HMGN5: variants seen among roughly 807,000 people sequenced by gnomAD.
HMGN5 encodes the protein high mobility group nucleosome-binding domain-containing protein 5.
A neutral mutation model predicts 9.5 loss-of-function variants in HMGN5; 4 were observed. That is an observed-to-expected ratio of 0.42 (90% CI 0.21 to 0.96). The LOEUF is 0.96. HMGN5 is among the 40% of genes least tolerant of loss of function. The pLI is 0.30. For missense variants in HMGN5, 192 were observed against 187.5 expected, an observed-to-expected ratio of 1.02 and a Z score of -0.14; for synonymous variants, 55 against 57.1, an observed-to-expected ratio of 0.96 and a Z score of 0.16.
intron 1 of HMGN5, among the ~76,000 whole-genome samples, chrX:81,169,815 G>A (rs1044837918): frequency 2.7e-5 from 3 of 111,184 alleles, no homozygotes; most frequent in Non-Finnish European, 3.8e-5. Context: ...AACACTTTGG[G>A]AGGTCAAGGT....
At chrX:81,161,137 G>T (rs757645805) in intron 1 of HMGN5, among the ~76,000 whole-genome samples, 17 of 110,318 alleles carry the variant, frequency 1.5e-4, no homozygotes, top group Non-Finnish European at 2.6e-4. Context: ...CAAGAATATT[G>T]CCCATTGTGT....
Position 81,115,052 on chromosome X carries a change from T to C in HMGN5, c.446A>G (p.Lys149Arg). ...TCCATCTTCTTCCCCTTTTTCATCTTTGTCTTCTTTTCCAGCTTCCCCTTT... is the reference window on the plus strand; with the variant it reads ...TCCATCTTCTTCCCCTTTTTCATCTCTGTCTTCTTTTCCAGCTTCCCCTTT... Reference protein sequence around the residue: ...EEKGEAGKEDKDEKGEEDGKE... With the variant: ...EEKGEAGKEDRDEKGEEDGKE... Residue 149 changes from lysine (K) to arginine (R), a missense_variant, in exon 7 of 7, where the codon AAA becomes AGA. Transcript: ENST00000358130. 2 of 1,158,355 alleles carry C rather than the reference T, an allele frequency of 1.7e-6. No homozygotes were observed. Among genetic ancestry groups the C allele is most frequent in the Non-Finnish European group, 2.3e-6 (2 of 870,331 alleles).
chrX:81,153,422 C>T (rs1439844764), intron 1 of HMGN5, among the ~76,000 whole-genome samples: 2 of 100,351 alleles, frequency 2.0e-5, no homozygotes, highest in South Asian at 4.9e-4. Context: ...GGTGTTGTGG[C>T]CCACGCCTGT....
intron 1 of HMGN5, among the ~76,000 whole-genome samples, chrX:81,168,495 T>C (rs1310812694): frequency 2.7e-5 from 3 of 111,642 alleles, no homozygotes; most frequent in Non-Finnish European, 5.6e-5. Context: ...TCAATAAGCT[T>C]GATCTAGCAT....
At chrX:81,140,326 C>T (rs946714282) in intron 1 of HMGN5, among the ~76,000 whole-genome samples, 7 of 110,501 alleles carry the variant, frequency 6.3e-5, no homozygotes, top group Non-Finnish European at 9.5e-5. Flanking sequence ...TTTGGGAGGC[C>T]GAGGCGGGCG....
chrX:81,149,085 C>A (rs1045252696), intron 1 of HMGN5, among the ~76,000 whole-genome samples: 1 of 111,597 alleles, frequency 9.0e-6, no homozygotes, highest in African/African-American at 3.3e-5. Context: ...CCTCAAGGAT[C>A]TAGAACTAGA....
intron 1 of HMGN5, among the ~76,000 whole-genome samples, chrX:81,201,470 T>C (rs773698599): frequency 8.9e-6 from 1 of 111,990 alleles, no homozygotes; most frequent in East Asian, 2.8e-4. Flanking sequence ...TTGTAATTTA[T>C]TCCTTCATTC....
chrX:81,118,838 T>C, intron 3 of HMGN5, 79 bp from the exon 4 acceptor site: 1 of 655,893 alleles, frequency 1.5e-6, no homozygotes. Flanking sequence ...GGTCAAAATA[T>C]TTGGTGTAAC....
rs1177283375 is a variant in HMGN5 at position 81,127,658 on chromosome X, C to T, written c.-123-5986G>A. Among the ~76,000 whole-genome samples the T allele has an allele frequency of 6.3e-5, 7 of 110,589 alleles. No homozygotes were observed. The East Asian group carries it at 1.1e-3, about 18-fold the overall frequency. ...GCTTCATATAACCTACGAATTGTTT[C>T]GTTTTGTTGTAAATTATTTGAAACA... On this transcript the variant is annotated intron_variant, in intron 1 of 6. Coordinates refer to ENST00000358130, the MANE Select transcript of HMGN5 (RefSeq NM_030763.3).
At chrX:81,155,001 G>T (rs1158363913) in intron 1 of HMGN5, among the ~76,000 whole-genome samples, 2 of 104,036 alleles carry the variant, frequency 1.9e-5, no homozygotes, top group African/African-American at 3.5e-5. Context: ...ACCAAAAATA[G>T]AGCTACTAAA....
intron 3 of HMGN5, 113 bp downstream of exon 3, chrX:81,119,675 T>A (rs2147536790): frequency 1.7e-6 from 1 of 594,670 alleles, no homozygotes; most frequent in East Asian, 3.5e-5. Flanking sequence ...GTATACCATA[T>A]TGGAACTCAT....
intron 1 of HMGN5, among the ~76,000 whole-genome samples, chrX:81,161,893 C>CTCTT (rs2075398435): frequency 9.1e-6 from 1 of 109,536 alleles, no homozygotes; most frequent in African/African-American, 3.5e-5. Context: ...AAAGGTTTGA[C>CTCTT]TCTTATTATA....
intron 1 of HMGN5, among the ~76,000 whole-genome samples, chrX:81,152,310 C>T (rs2147563132): frequency 9.0e-6 from 1 of 111,509 alleles, no homozygotes; most frequent in East Asian, 2.8e-4. Flanking sequence ...AAAAAACAAA[C>T]AACCCCATCA....
At chrX:81,172,357 G>A (rs1174565694) in intron 1 of HMGN5, among the ~76,000 whole-genome samples, 1 of 110,828 alleles carries the variant, frequency 9.0e-6, no homozygotes, top group Non-Finnish European at 1.9e-5. Flanking sequence ...GTTAATTTTG[G>A]TAGGTATGGT....
chrX:81,130,343 A>G (rs899579061), intron 1 of HMGN5, among the ~76,000 whole-genome samples: 4 of 111,725 alleles, frequency 3.6e-5, no homozygotes, highest in African/African-American at 1.3e-4. Flanking sequence ...GGATCTTACC[A>G]TGTATAAAGT....
rs764434947 is a variant in HMGN5 at position 81,146,108 on chromosome X, C to A, written c.-123-24436G>T. On this transcript the variant is annotated intron_variant, in intron 1 of 6. Coordinates refer to ENST00000358130, the MANE Select transcript of HMGN5 (RefSeq NM_030763.3). ...GACAGATCAATGAGACAGAAATTAA[C>A]AAGGATATCCAGGATGTGAACTCAG... Among the ~76,000 whole-genome samples the A allele has an allele frequency of 1.4e-3, 153 of 111,295 alleles. 4 individuals are homozygous for A. Among genetic ancestry groups the A allele is most frequent in the Non-Finnish European group, 4.3e-4 (23 of 53,044 alleles).
intron 1 of HMGN5, among the ~76,000 whole-genome samples, chrX:81,153,316 G>A (rs2075370292): frequency 9.4e-6 from 1 of 106,164 alleles, no homozygotes; most frequent in Admixed American, 1.0e-4. Context: ...ACTTTGGAAG[G>A]CTGAGGTGGG....
chrX:81,188,416 AT>A (rs2147649660), intron 1 of HMGN5, among the ~76,000 whole-genome samples: 1 of 109,570 alleles, frequency 9.1e-6, no homozygotes, highest in African/African-American at 3.3e-5. Context: ...AGCGTGAGCC[AT>A]TGTGCCCAGC....
intron 1 of HMGN5, among the ~76,000 whole-genome samples, chrX:81,127,174 T>C (rs1825594582): frequency 8.9e-6 from 1 of 112,206 alleles, no homozygotes; most frequent in Admixed American, 9.5e-5. Context: ...ATTTTCACTT[T>C]GTTTATTTTA....
Sources: allele counts gnomAD v4.1 joint callset (sites outside exome capture counted in the v4.1 genomes callset), GRCh38; gene constraint gnomAD v4.1.1; transcripts MANE v1.5; gene names NCBI Gene and HGNC (gene_info 2026-07-23, HGNC 2026-07-21).